Variants in SP100 observed in about 807,000 individuals in gnomAD.
The protein encoded by SP100 is SP100 nuclear body protein, also known as nuclear autoantigen Sp-100.
Under a neutral mutation model 130.0 loss-of-function variants are expected in SP100, and 84 were observed. The observed-to-expected ratio is 0.65, with a 90% CI of 0.54 to 0.77. The LOEUF (loss-of-function observed/expected upper bound fraction) is 0.77, where lower values mean the gene tolerates loss of function less well. SP100 is among the 30% of genes least tolerant of loss of function. SP100 has a pLI of 0.00. For missense variants in SP100, 978 were observed against 1,052.2 expected (o/e 0.93, Z 0.97); for synonymous variants, 331 against 351.7 (o/e 0.94, Z 0.66).
chr2:230,447,673 G>C (rs1487061008), intron 5 of SP100, among the ~76,000 whole-genome samples: 1 of 152,306 alleles, frequency 6.6e-6, no homozygotes, highest in African/African-American at 2.4e-5. Context: ...GTGGGGAAGG[G>C]CACAGAGCTT....
rs190614576 is a variant in SP100, at chr2:230,482,917, C to A, written c.1600+8470C>A. On this transcript the variant is annotated intron_variant, in intron 17 of 28. Transcript: ENST00000340126. Reference sequence around the variant, plus strand: ...AACTTTTAATATCATTTTGTCAACCCTTGAAAACCCTGTTGAATTTTTATT... The same window carrying A: ...AACTTTTAATATCATTTTGTCAACCATTGAAAACCCTGTTGAATTTTTATT... Among the ~76,000 whole-genome samples, 320 of 152,268 alleles carry A rather than the reference C, an allele frequency of 2.1e-3. 2 individuals are homozygous for A. The highest frequency in any genetic ancestry group is 3.5e-3 in the Non-Finnish European group (237 of 68,024).
At chr2:230,449,267 C>T in intron 6 of SP100, 117 bp downstream of exon 6, 1 of 1,057,880 alleles carries the variant, frequency 9.5e-7, no homozygotes, top group Non-Finnish European at 1.5e-6. Flanking sequence ...TTTACATCTA[C>T]AGTTTTTCCA....
At chr2:230,539,044 C>A in intron 24 of SP100, 1 of 385,556 alleles carries the variant, frequency 2.6e-6, no homozygotes, top group South Asian at 4.4e-5. Flanking sequence ...GTCATCATGT[C>A]AGAATCTCTG....
intron 1 of SP100, chr2:230,416,672 T>C: frequency 1.1e-6 from 1 of 949,070 alleles, no homozygotes; most frequent in Non-Finnish European, 1.3e-6. Flanking sequence ...TCAGCCTTCC[T>C]CTACCTTCAA....
chr2:230,541,858 G>A, intron 27 of SP100, 34 bp from the exon 28 acceptor site: 2 of 1,607,106 alleles, frequency 1.2e-6, no homozygotes, highest in Non-Finnish European at 8.5e-7. Context: ...ATGGCACTGG[G>A]CTGATAGCCT....
At chr2:230,433,360 T>C (rs1217836979) in intron 2 of SP100, among the ~76,000 whole-genome samples, 1 of 152,240 alleles carries the variant, frequency 6.6e-6, no homozygotes, top group Non-Finnish European at 1.5e-5. Flanking sequence ...TTGATTTTTA[T>C]ATATATTTAT....
At chr2:230,438,063 T>C (rs1435540794) in intron 2 of SP100, among the ~76,000 whole-genome samples, 1 of 152,222 alleles carries the variant, frequency 6.6e-6, no homozygotes, top group Non-Finnish European at 1.5e-5. Context: ...TTTTGTTTTA[T>C]TTACAGTTGC....
At chr2:230,465,180 G>T (rs747048459) in intron 11 of SP100, among the ~76,000 whole-genome samples, 1 of 152,026 alleles carries the variant, frequency 6.6e-6, no homozygotes, top group Non-Finnish European at 1.5e-5. Context: ...ATGTTGCAGT[G>T]AGCCAAGATC....
chr2:230,528,654 A>C (rs1237786141), intron 24 of SP100, among the ~76,000 whole-genome samples: 1 of 152,174 alleles, frequency 6.6e-6, no homozygotes, highest in African/African-American at 2.4e-5. Flanking sequence ...TTTTTTGAAA[A>C]GACCAACAAA....
At chr2:230,525,837 T>G (rs937612914) in intron 24 of SP100, among the ~76,000 whole-genome samples, 1 of 151,458 alleles carries the variant, frequency 6.6e-6, no homozygotes, top group African/African-American at 2.4e-5. Flanking sequence ...TGCAGATTGG[T>G]GGGGGGAGGG....
At chr2:230,498,592 T>C (rs970514831) in intron 19 of SP100, 57 bp downstream of exon 19, 132 of 987,560 alleles carry the variant, frequency 1.3e-4, no homozygotes, top group Middle Eastern at 3.1e-4. Flanking sequence ...ATGCTCTTAG[T>C]AAGAAACATT....
intron 2 of SP100, among the ~76,000 whole-genome samples, chr2:230,438,329 G>A (rs550281269): frequency 6.6e-6 from 1 of 152,000 alleles, no homozygotes; most frequent in African/African-American, 2.4e-5. Flanking sequence ...TGGTTACATA[G>A]ATAAGTTCAT....
chr2:230,426,572 G>A lies in SP100; in HGVS notation c.107+8907G>A, dbSNP rs146098214. On this transcript the variant is annotated intron_variant, in intron 2 of 28. Transcript: ENST00000340126. ...TTATGAATTCTTCAAATTTCCTCCT[G>A]TTATGGATTTCTAGTTTCATAATAT... Among the ~76,000 whole-genome samples, 1,166 of 152,138 alleles carry A rather than the reference G, an allele frequency of 7.7e-3. 14 individuals carry two copies. Among genetic ancestry groups the A allele is most frequent in the African/African-American group, 0.027 (1,110 of 41,468 alleles).
chr2:230,438,615 T>G (rs2063366042), intron 2 of SP100, among the ~76,000 whole-genome samples: 1 of 150,584 alleles, frequency 6.6e-6, no homozygotes, highest in Admixed American at 6.6e-5. Context: ...CATTCCTTTT[T>G]ATGGCTGAGT....
intron 2 of SP100, among the ~76,000 whole-genome samples, chr2:230,427,268 TCTC>T (rs1478459286): frequency 6.6e-6 from 1 of 152,008 alleles, no homozygotes; most frequent in Admixed American, 6.5e-5. Context: ...TTCAAGCAAT[TCTC>T]CTGCCTCAGC....
rs181340409 is a variant in SP100, at chr2:230,475,278, A to T, written c.1600+831A>T. On this transcript the variant is annotated intron_variant, in intron 17 of 28. Transcript: ENST00000340126. ...CTCACTGTGATTCTGATTTGCATTT[A>T]TCTGATGATTAGTAATGTTGGGCAT... 4.9e-3 allele frequency among the ~76,000 whole-genome samples: 744 copies of T among 152,202 alleles called. 9 individuals are homozygous for T. The highest frequency in any genetic ancestry group is 0.017 in the African/African-American group (712 of 41,532).
intron 24 of SP100, among the ~76,000 whole-genome samples, chr2:230,526,894 G>T (rs757328523): frequency 6.6e-6 from 1 of 151,928 alleles, no homozygotes; most frequent in Non-Finnish European, 1.5e-5. Flanking sequence ...GAAAAGAAAC[G>T]AACAAAGCCT....
intron 4 of SP100, among the ~76,000 whole-genome samples, chr2:230,445,142 T>C (rs923202764): frequency 6.6e-6 from 1 of 152,228 alleles, no homozygotes; most frequent in African/African-American, 2.4e-5. Flanking sequence ...AACTAAAGGT[T>C]TCATTCTTGA....
chr2:230,488,253 T>C (rs1209939026), intron 17 of SP100, among the ~76,000 whole-genome samples: 1 of 152,174 alleles, frequency 6.6e-6, no homozygotes, highest in Non-Finnish European at 1.5e-5. Flanking sequence ...AGGGCATCCT[T>C]GTCTTGGGCC....
Sources: gnomAD v4.1 joint callset for allele counts (sites outside exome capture counted in the v4.1 genomes callset) on GRCh38, gnomAD v4.1.1 for gene constraint, MANE v1.5 for transcripts, NCBI Gene and HGNC (gene_info 2026-07-23, HGNC 2026-07-21) for gene names.